SV2B: variants seen among roughly 807,000 people sequenced by gnomAD.
SV2B encodes solute carrier family 22 member B2.
Under a neutral mutation model 73.9 loss-of-function variants are expected in SV2B, and 41 were observed. That is an observed-to-expected ratio of 0.56 (90% CI 0.43 to 0.72). The LOEUF (loss-of-function observed/expected upper bound fraction) is 0.72, where lower values mean the gene tolerates loss of function less well. Ranked by LOEUF, SV2B falls within the 30% of genes least tolerant of loss-of-function variation. The pLI is 0.00. For synonymous variants in SV2B, 314 were observed against 314.2 expected (o/e 1.00, Z 0.01); for missense variants, 764 against 857.8 (o/e 0.89, Z 1.37).
At chr15:91,256,201 A>G (rs1019157739) in intron 4 of SV2B, among the ~76,000 whole-genome samples, 5 of 152,244 alleles carry the variant, frequency 3.3e-5, no homozygotes, top group African/African-American at 1.2e-4. Flanking sequence ...CTAGAAGATC[A>G]GCAAACAGAA....
intron 1 of SV2B, among the ~76,000 whole-genome samples, chr15:91,185,035 A>G (rs1254118716): frequency 1.3e-5 from 2 of 152,248 alleles, no homozygotes; most frequent in East Asian, 3.8e-4. Context: ...CTTTCTTCTG[A>G]AACAGATGTT....
At chr15:91,189,641 G>A (rs1281381702) in intron 1 of SV2B, among the ~76,000 whole-genome samples, 1 of 152,136 alleles carries the variant, frequency 6.6e-6, no homozygotes, top group East Asian at 1.9e-4. Context: ...CCTTTTAAAA[G>A]CATTCTTTGA....
chr15:91,111,445 G>C (rs2042032667), intron 1 of SV2B, among the ~76,000 whole-genome samples: 1 of 152,232 alleles, frequency 6.6e-6, no homozygotes, highest in African/African-American at 2.4e-5. Context: ...ACAAGGTGGG[G>C]AGGTACATGC....
chr15:91,278,889 C>T (rs1270237401), intron 9 of SV2B, among the ~76,000 whole-genome samples: 1 of 151,920 alleles, frequency 6.6e-6, no homozygotes, highest in African/African-American at 2.4e-5. Flanking sequence ...TTCATGGTGG[C>T]TAGAGAGCTT....
chr15:91,172,453 C>T (rs2044155894), intron 1 of SV2B, among the ~76,000 whole-genome samples: 1 of 152,204 alleles, frequency 6.6e-6, no homozygotes, highest in South Asian at 2.1e-4. Flanking sequence ...AAACCCATCC[C>T]CTCCCTGGAT....
intron 5 of SV2B, among the ~76,000 whole-genome samples, chr15:91,259,232 A>G (rs1807166528): frequency 6.6e-6 from 1 of 152,212 alleles, no homozygotes. Context: ...TTAGCTACAC[A>G]GGGTCCCCAG....
Position 91,283,979 on chromosome 15 carries a change from C to G in SV2B, c.1508-42C>G, listed in dbSNP as rs2048768921. 1 of 1,604,662 alleles carries G rather than the reference C, an allele frequency of 6.2e-7. No homozygotes were observed. Among genetic ancestry groups the G allele is most frequent in the Non-Finnish European group, 8.5e-7 (1 of 1,172,066 alleles). ...TGCCTCTGCCTTTCTCTCTCCAGCT[C>G]CCTTCCACTTACATGAACCGAAGGT... On this transcript the variant is annotated intron_variant, in intron 10 of 12. Coordinates refer to ENST00000394232, the MANE Select transcript of SV2B (RefSeq NM_001323032.3). This position sits in a 1 kb window ranked among gnomAD's most constrained non-coding sequence, Gnocchi z 4.3.
At chr15:91,260,643 G>A (rs1286213423) in intron 6 of SV2B, among the ~76,000 whole-genome samples, 1 of 152,174 alleles carries the variant, frequency 6.6e-6, no homozygotes, top group Non-Finnish European at 1.5e-5. Flanking sequence ...GCTCATGCCT[G>A]TAATCCCAGC....
intron 1 of SV2B, among the ~76,000 whole-genome samples, chr15:91,148,034 G>A (rs1596476874): frequency 7.5e-6 from 1 of 133,806 alleles, no homozygotes; most frequent in East Asian, 2.2e-4. Context: ...AGGCTGGAGT[G>A]CAGTGGTGCA....
At chr15:91,249,103 C>A (rs1163496559) in intron 2 of SV2B, among the ~76,000 whole-genome samples, 4 of 122,966 alleles carry the variant, frequency 3.3e-5, no homozygotes, top group Non-Finnish European at 7.2e-5. Context: ...CACACACACA[C>A]ACACATGTTT....
At chr15:91,144,441 A>G (rs55697176) in intron 1 of SV2B, among the ~76,000 whole-genome samples, 23,826 of 152,126 alleles carry the variant, frequency 0.16, 2,925 homozygotes, top group African/African-American at 0.34. Context: ...GCATTTGCTT[A>G]TTCTTCCCCA....
chr15:91,172,009 T>C (rs1205055660), intron 1 of SV2B, among the ~76,000 whole-genome samples: 1 of 152,234 alleles, frequency 6.6e-6, no homozygotes, highest in Non-Finnish European at 1.5e-5. Flanking sequence ...GATAGAAATG[T>C]TGATTATCAT....
In SV2B at chr15:91,175,702, CATAT is replaced by C. The variant is rs10616854; in HGVS notation, c.-391-50157_-391-50154del. Among the ~76,000 whole-genome samples, 1,329 of 148,760 alleles carry C rather than the reference CATAT, an allele frequency of 8.9e-3. 13 individuals carry two copies. The highest frequency in any genetic ancestry group is 0.03 in the African/African-American group (1,230 of 40,782). ...CTTAAAAATGCCTATCATGTAAATA[CATAT>C]ATATATATATATACATATATGTGAC... is the stretch of plus-strand genomic sequence containing the variant. On this transcript the variant is annotated intron_variant, in intron 1 of 12. Coordinates refer to ENST00000394232, the MANE Select transcript of SV2B (RefSeq NM_001323032.3).
intron 7 of SV2B, 69 bp downstream of exon 7, chr15:91,266,761 A>C: frequency 7.7e-7 from 1 of 1,301,564 alleles, no homozygotes. Flanking sequence ...GTGGATGAAA[A>C]ATGCAGCTCC....
chr15:91,249,052 C>A (rs1436535694), intron 2 of SV2B, among the ~76,000 whole-genome samples: 1 of 135,312 alleles, frequency 7.4e-6, no homozygotes, highest in East Asian at 2.2e-4. Context: ...GTGCATGCAT[C>A]CATACATCTA....
Position 91,133,571 on chromosome 15 carries a change from A to T in SV2B, c.-392+33208A>T, listed in dbSNP as rs113048240. The stretch of plus-strand genomic sequence containing the variant: ...AGATGTCAATTTATTGAGCCCTGTG[A>T]GGGTCTGCAGAAAATGCCCAGGCCA... On this transcript the variant is annotated intron_variant, in intron 1 of 12. Coordinates refer to ENST00000394232, the MANE Select transcript of SV2B (RefSeq NM_001323032.3). Among the ~76,000 whole-genome samples the T allele has an allele frequency of 3.2e-4, 48 of 152,186 alleles. 5 individuals carry two copies. Among genetic ancestry groups the T allele is most frequent in the African/African-American group, 1.1e-3 (46 of 41,514 alleles).
Position 91,243,411 on chromosome 15 carries a change from G to A in SV2B, c.452-8408G>A, listed in dbSNP as rs575012064. Among the ~76,000 whole-genome samples, 82 of 152,242 alleles carry A rather than the reference G, an allele frequency of 5.4e-4. No homozygotes were observed. The South Asian group carries it at 6.4e-3, about 12-fold the overall frequency. Reference sequence around the variant, plus strand: ...TTCAGGGTTCTTGAAGTATCCTCAGGGAATCTGTCTTAATGCCTCTTCTTT... The same window carrying A: ...TTCAGGGTTCTTGAAGTATCCTCAGAGAATCTGTCTTAATGCCTCTTCTTT... On this transcript the variant is annotated intron_variant, in intron 2 of 12. Transcript: ENST00000394232.
Position 91,253,440 on chromosome 15 carries a change from T to C in SV2B, c.784+920T>C, listed in dbSNP as rs2047566755. 6.6e-6 allele frequency among the ~76,000 whole-genome samples: 1 copy of C among 152,198 alleles called. No individual in the cohort carries two copies. The highest frequency in any genetic ancestry group is 1.5e-5 in the Non-Finnish European group (1 of 68,026). On this transcript the variant is annotated intron_variant, in intron 4 of 12. Coordinates refer to ENST00000394232, the MANE Select transcript of SV2B (RefSeq NM_001323032.3). The surrounding 1 kb of genome is among the most constrained non-coding windows in gnomAD (Gnocchi z 5.0). ...AGCTAATGGAGGCTGCATGTATATGTTTTTAAGAACAAGCTTTGGTTTAGA... is the reference window on the plus strand; with the variant it reads ...AGCTAATGGAGGCTGCATGTATATGCTTTTAAGAACAAGCTTTGGTTTAGA...
At position 91,231,783 on chromosome 15, in the gene SV2B, G is replaced by T. The variant is rs2046584568; in HGVS notation, c.451+5069G>T. Among the ~76,000 whole-genome samples the T allele has an allele frequency of 6.6e-6, 1 of 152,072 alleles. No homozygotes were observed. Among genetic ancestry groups the T allele is most frequent in the Non-Finnish European group, 1.5e-5 (1 of 68,020 alleles). On this transcript the variant is annotated intron_variant, in intron 2 of 12. Coordinates refer to ENST00000394232, the MANE Select transcript of SV2B (RefSeq NM_001323032.3). The surrounding 1 kb of genome is among the most constrained non-coding windows in gnomAD (Gnocchi z 4.5). ...GATCCAGTGACTTGTGTATTTTATT[G>T]GCTGTTAGTTTCTTGCCGTCTGCAG...
Sources: allele counts gnomAD v4.1 joint callset (sites outside exome capture counted in the v4.1 genomes callset), GRCh38; gene constraint gnomAD v4.1.1; non-coding constraint Gnocchi (gnomAD v3.1); transcripts MANE v1.5; gene names NCBI Gene and HGNC (gene_info 2026-07-23, HGNC 2026-07-21).